Variants in GRM1 observed in about 807,000 individuals in gnomAD.
GRM1 encodes metabotropic glutamate receptor 1.
In GRM1, 33 loss-of-function variants were observed where a neutral mutation model predicts 90.9. That is an observed-to-expected ratio of 0.36 (90% CI 0.28 to 0.49). The LOEUF (loss-of-function observed/expected upper bound fraction) is 0.49. Ranked by LOEUF, GRM1 falls within the 20% of genes least tolerant of loss-of-function variation. The pLI, the probability that GRM1 is intolerant of heterozygous loss-of-function variation, is 0.99. For missense variants in GRM1, 1,190 were observed against 1,534.3 expected, an observed-to-expected ratio of 0.78 and a Z score of 3.75; for synonymous variants, 700 against 613.2, an observed-to-expected ratio of 1.14 and a Z score of -2.09.
intron 5 of GRM1, among the ~76,000 whole-genome samples, chr6:146,377,356 G>T (rs1776139060): frequency 6.6e-6 from 1 of 152,090 alleles, no homozygotes; most frequent in Non-Finnish European, 1.5e-5. Flanking sequence ...AAGTGATATG[G>T]ACAATAAGGT....
chr6:146,119,631 A>G (rs920698836), intron 1 of GRM1, among the ~76,000 whole-genome samples: 1 of 152,208 alleles, frequency 6.6e-6, no homozygotes, highest in Non-Finnish European at 1.5e-5. Context: ...GGTGTAAGGA[A>G]GGGATCCAGT....
At chr6:146,419,044 A>G (rs1413423628) in intron 7 of GRM1, among the ~76,000 whole-genome samples, 2 of 152,192 alleles carry the variant, frequency 1.3e-5, no homozygotes, top group Non-Finnish European at 2.9e-5. Context: ...TATAAGGAGT[A>G]AAAAGGATCA....
At chr6:146,270,853 CTTTCTTTCTTTCTTTCTT>C (rs1562570999) in intron 2 of GRM1, among the ~76,000 whole-genome samples, 10 of 41,508 alleles carry the variant, frequency 2.4e-4, no homozygotes, top group African/African-American at 6.8e-4. Context: ...CTTTCTTTTT[CTTTCTTTCTTTCTTTCTT>C]TCTTTCTTTC....
chr6:146,106,180 T>A (rs1396899035), intron 1 of GRM1, among the ~76,000 whole-genome samples: 2 of 152,226 alleles, frequency 1.3e-5, no homozygotes, highest in African/African-American at 4.8e-5. Flanking sequence ...TTATCTCTTT[T>A]GTAAAATGTG....
chr6:146,180,259 T>C (rs572185340), intron 2 of GRM1, among the ~76,000 whole-genome samples: 1 of 151,264 alleles, frequency 6.6e-6, no homozygotes, highest in South Asian at 2.1e-4. Context: ...TTTAATATTA[T>C]AGACCAAACC....
chr6:146,280,040 G>A (rs964510208), intron 2 of GRM1, among the ~76,000 whole-genome samples: 19 of 151,782 alleles, frequency 1.3e-4, no homozygotes, highest in Non-Finnish European at 1.9e-4. Flanking sequence ...GATTTCTTTT[G>A]GTCAAAATTG....
At position 146,073,300 on chromosome 6, in the gene GRM1, C is replaced by G. The variant is rs969695; in HGVS notation, c.700+43083C>G. The stretch of plus-strand genomic sequence containing the variant: ...AGAAGGGGGCTGAGGCTTAAGAAGT[C>G]AAAACATTTTCAATGTGGGTTAGAA... On this transcript the variant is annotated intron_variant, in intron 1 of 7. Coordinates refer to ENST00000282753, the MANE Select transcript of GRM1 (RefSeq NM_001278064.2). Among the ~76,000 whole-genome samples the G allele has an allele frequency of 2.0e-5, 3 of 152,030 alleles. No homozygotes were observed. In the South Asian group the frequency reaches 6.2e-4, roughly 32 times the overall value.
chr6:146,289,829 T>C (rs1467024334), intron 2 of GRM1, among the ~76,000 whole-genome samples: 5 of 152,258 alleles, frequency 3.3e-5, no homozygotes, highest in Non-Finnish European at 7.3e-5. Flanking sequence ...AGGCCATGTA[T>C]ATACAGTGTA....
intron 5 of GRM1, among the ~76,000 whole-genome samples, chr6:146,374,324 T>G (rs921260932): frequency 1.3e-5 from 2 of 152,150 alleles, no homozygotes; most frequent in African/African-American, 4.8e-5. Flanking sequence ...TGGCCTGTAG[T>G]TATACTTTTT....
intron 2 of GRM1, among the ~76,000 whole-genome samples, chr6:146,282,899 AT>A: frequency 1.3e-5 from 2 of 152,324 alleles, no homozygotes; most frequent in African/African-American, 4.8e-5. Flanking sequence ...TAACACCCTC[AT>A]TCCAGAAATA....
At chr6:146,218,920 TTC>T (rs1334350362) in intron 2 of GRM1, among the ~76,000 whole-genome samples, 1 of 152,190 alleles carries the variant, frequency 6.6e-6, no homozygotes, top group Non-Finnish European at 1.5e-5. Context: ...ATTAAATCTG[TTC>T]TCTTAGTTCT....
chr6:146,210,975 C>A (rs979179652), intron 2 of GRM1, among the ~76,000 whole-genome samples: 2 of 152,042 alleles, frequency 1.3e-5, no homozygotes, highest in African/African-American at 4.8e-5. Context: ...GCCTGTTATG[C>A]ACACCACCCT....
chr6:146,252,135 T>C (rs943171641), intron 2 of GRM1, among the ~76,000 whole-genome samples: 3 of 152,218 alleles, frequency 2.0e-5, no homozygotes, highest in African/African-American at 7.2e-5. Flanking sequence ...GATATTTTTG[T>C]TCATTTTATT....
chr6:146,434,880 C>T lies in GRM1; in HGVS notation c.*84C>T. On this transcript the variant is annotated 3_prime_UTR_variant, in exon 8 of 8. Transcript: ENST00000282753. ...ATGTGCAAACAGCTGGGAGGAAAAG[C>T]CTGGGAGTGGGGGGCCTCGTCGGGA... The T allele has an allele frequency of 8.1e-7, 1 of 1,239,010 alleles. No homozygotes were observed. Among genetic ancestry groups the T allele is most frequent in the Non-Finnish European group, 1.2e-6 (1 of 858,128 alleles). The allele number at this position is 1,239,010 out of a possible 1,614,324, so 76.8% of individuals were successfully genotyped here.
chr6:146,303,935 C>A (rs1409513052), intron 2 of GRM1, among the ~76,000 whole-genome samples: 1 of 152,130 alleles, frequency 6.6e-6, no homozygotes, highest in East Asian at 1.9e-4. Context: ...GATCACATTT[C>A]AAAAATTCTA....
chr6:146,252,871 C>T (rs943646087), intron 2 of GRM1, among the ~76,000 whole-genome samples: 1 of 151,894 alleles, frequency 6.6e-6, no homozygotes, highest in Admixed American at 6.6e-5. Context: ...ACCATCCTGG[C>T]CAACATGATG....
chr6:146,280,606 C>G (rs1274425851), intron 2 of GRM1, among the ~76,000 whole-genome samples: 1 of 152,032 alleles, frequency 6.6e-6, no homozygotes, highest in African/African-American at 2.4e-5. Flanking sequence ...CTTATTTTTA[C>G]TCATTACTTC....
chr6:146,334,118 C>T (rs1019991937), intron 3 of GRM1, among the ~76,000 whole-genome samples: 2 of 152,166 alleles, frequency 1.3e-5, no homozygotes, highest in African/African-American at 4.8e-5. Flanking sequence ...TGTGCCTGTC[C>T]CTGTTCCTAG....
intron 1 of GRM1, among the ~76,000 whole-genome samples, chr6:146,093,675 C>A (rs1776782190): frequency 6.6e-6 from 1 of 151,958 alleles, no homozygotes; most frequent in South Asian, 2.1e-4. Flanking sequence ...ATACTTCAGT[C>A]TCAATTTTAC....
Sources: gnomAD v4.1 joint callset for allele counts (sites outside exome capture counted in the v4.1 genomes callset) on GRCh38, gnomAD v4.1.1 for gene constraint, MANE v1.5 for transcripts, NCBI Gene and HGNC (gene_info 2026-07-23, HGNC 2026-07-21) for gene names.